Variants in PKP4 observed in about 807,000 individuals in gnomAD.
PKP4 encodes plakophilin-4.
PKP4 carries 90 observed loss-of-function variants against 145.1 expected under a neutral mutation model. That is an observed-to-expected ratio of 0.62 (90% confidence interval 0.52 to 0.74). The LOEUF (loss-of-function observed/expected upper bound fraction) is 0.74. Among genes scored for constraint, PKP4 ranks in the 30% least tolerant of loss-of-function variants. The probability of loss-of-function intolerance (pLI) is 0.00; values close to 1 mark genes in which losing one functional copy is unlikely to be tolerated. For missense variants in PKP4, 1,340 were observed against 1,482.7 expected, an observed-to-expected ratio of 0.90 and a Z score of 1.58; for synonymous variants, 563 against 577.2, an observed-to-expected ratio of 0.98 and a Z score of 0.35.
chr2:158,673,616 C>T (rs1484833059), intron 17 of PKP4, 61 bp from the exon 18 acceptor site: 10 of 1,221,424 alleles, frequency 8.2e-6, no homozygotes, highest in Admixed American at 5.0e-5. Flanking sequence ...ATCCTGCACC[C>T]CTCTGAGTGG....
At chr2:158,604,538 A>G (rs2050491799) in intron 4 of PKP4, among the ~76,000 whole-genome samples, 1 of 152,166 alleles carries the variant, frequency 6.6e-6, no homozygotes, top group African/African-American at 2.4e-5. Context: ...GGTGTGTGAG[A>G]TCATCTAGGC....
chr2:158,601,406 A>G (rs1025597844), intron 3 of PKP4, among the ~76,000 whole-genome samples: 8 of 152,324 alleles, frequency 5.3e-5, no homozygotes, highest in Middle Eastern at 6.8e-3. Flanking sequence ...GGTAATACCA[A>G]TCTCAGTGCT....
chr2:158,631,231 C>G lies in PKP4; in HGVS notation c.1154-522C>G, dbSNP rs148568512. Among the ~76,000 whole-genome samples the G allele has an allele frequency of 7.3e-3, 1,112 of 151,950 alleles. 18 individuals carry two copies. The highest frequency in any genetic ancestry group is 0.026 in the African/African-American group (1,059 of 41,442). On this transcript the variant is annotated intron_variant, in intron 7 of 21. Coordinates refer to ENST00000389759, the MANE Select transcript of PKP4 (RefSeq NM_003628.6). ...CTGGGATTACAGGCGTGAACCACCG[C>G]GCCCGGCAGAGAAAGTTGTATTTAA...
chr2:158,541,976 G>C (rs567550815), intron 2 of PKP4, among the ~76,000 whole-genome samples: 99 of 152,276 alleles, frequency 6.5e-4, no homozygotes, highest in African/African-American at 2.3e-3. Flanking sequence ...TAGTATTTCT[G>C]TATTCTGGTA....
chr2:158,599,360 G>A (rs1320669830), intron 3 of PKP4, among the ~76,000 whole-genome samples: 1 of 152,182 alleles, frequency 6.6e-6, no homozygotes, highest in Non-Finnish European at 1.5e-5. Context: ...TCTGGCCATT[G>A]TCTGTAAACA....
intron 1 of PKP4, among the ~76,000 whole-genome samples, chr2:158,473,508 G>A (rs1559188994): frequency 6.6e-6 from 1 of 152,174 alleles, no homozygotes; most frequent in Non-Finnish European, 1.5e-5. Context: ...TCTTTTGCAA[G>A]AACATGGATG....
intron 2 of PKP4, among the ~76,000 whole-genome samples, chr2:158,568,794 T>C (rs956277162): frequency 6.6e-6 from 1 of 152,028 alleles, no homozygotes; most frequent in African/African-American, 2.4e-5. Flanking sequence ...GCCAACATAG[T>C]GAAACCCCAT....
chr2:158,556,303 G>A (rs2046086393), intron 2 of PKP4, among the ~76,000 whole-genome samples: 1 of 152,158 alleles, frequency 6.6e-6, no homozygotes, highest in African/African-American at 2.4e-5. Flanking sequence ...TCGGTGTGTT[G>A]TAATCAAGAG....
chr2:158,503,307 G>A (rs189020296), intron 1 of PKP4, among the ~76,000 whole-genome samples: 103 of 152,258 alleles, frequency 6.8e-4, no homozygotes, highest in Middle Eastern at 3.4e-3. Flanking sequence ...TGGCTCTAAC[G>A]CTTCAGTGCA....
chr2:158,667,377 A>G (rs190956448), intron 16 of PKP4, among the ~76,000 whole-genome samples: 5 of 152,274 alleles, frequency 3.3e-5, no homozygotes, highest in Admixed American at 3.3e-4. Flanking sequence ...GCAACTCCTC[A>G]TCTCTGAAGG....
chr2:158,513,562 T>C (rs2041695424), intron 1 of PKP4, among the ~76,000 whole-genome samples: 2 of 152,164 alleles, frequency 1.3e-5, no homozygotes, highest in East Asian at 3.9e-4. Context: ...TAAAGTCTTC[T>C]TTTCCTCACG....
intron 1 of PKP4, among the ~76,000 whole-genome samples, chr2:158,499,572 TG>T (rs1302705995): frequency 2.0e-5 from 3 of 152,192 alleles, no homozygotes; most frequent in African/African-American, 7.2e-5. Context: ...GAAGGATAAT[TG>T]GGCCTGTGTC....
At chr2:158,518,414 G>C (rs1312713980) in intron 1 of PKP4, among the ~76,000 whole-genome samples, 1 of 152,152 alleles carries the variant, frequency 6.6e-6, no homozygotes, top group African/African-American at 2.4e-5. Context: ...CAGGGGTGGG[G>C]CAGTAGATGC....
intron 1 of PKP4, among the ~76,000 whole-genome samples, chr2:158,468,770 CTTTTTTTT>C (rs58577988): frequency 1.8e-5 from 2 of 109,970 alleles, no homozygotes; most frequent in African/African-American, 6.8e-5. Context: ...TCTTCTTCTT[CTTTTTTTT>C]TTTTTTTTTT....
At chr2:158,467,179 T>C (rs1690756484) in intron 1 of PKP4, among the ~76,000 whole-genome samples, 1 of 152,190 alleles carries the variant, frequency 6.6e-6, no homozygotes, top group Non-Finnish European at 1.5e-5. Context: ...ACATAATCAC[T>C]GTAATAAAAT....
In PKP4 at chr2:158,575,478, T is replaced by C. The variant is rs186928971; in HGVS notation, c.133-1793T>C. Among the ~76,000 whole-genome samples the C allele has an allele frequency of 3.8e-3, 581 of 152,332 alleles. 2 individuals are homozygous for C. Among genetic ancestry groups the C allele is most frequent in the Non-Finnish European group, 5.5e-3 (376 of 68,030 alleles). Reference sequence around the variant, plus strand: ...CAGGCAGCCACAAACATGATAAAAATTCATTCCTGTACAATGGAATTTGTT... The same window carrying C: ...CAGGCAGCCACAAACATGATAAAAACTCATTCCTGTACAATGGAATTTGTT... On this transcript the variant is annotated intron_variant, in intron 2 of 21. Transcript: ENST00000389759.
chr2:158,587,462 A>G (rs966163852), intron 3 of PKP4, among the ~76,000 whole-genome samples: 1 of 152,066 alleles, frequency 6.6e-6, no homozygotes, highest in Non-Finnish European at 1.5e-5. Context: ...AATTATGTGT[A>G]CATATTGATA....
In PKP4 at chr2:158,678,749, G is replaced by T. The variant is rs2058228837; in HGVS notation, c.3330+95G>T. On this transcript the variant is annotated intron_variant, in intron 21 of 21. Transcript: ENST00000389759. ...GACTTCCCAGAGCTGGGCCAACATG[G>T]CAGGGTCCTAGATGCTTTCCCTGGG... is the stretch of plus-strand genomic sequence containing the variant. 7.0e-6 allele frequency: 6 copies of T among 853,338 alleles called. No homozygotes were observed. In the East Asian group the frequency reaches 1.5e-4, roughly 21 times the overall value. The allele number at this position is 853,338 out of a possible 1,614,324, so 52.9% of individuals were successfully genotyped here.
chr2:158,500,192 A>G (rs891961428), intron 1 of PKP4, among the ~76,000 whole-genome samples: 1 of 152,152 alleles, frequency 6.6e-6, no homozygotes, highest in Non-Finnish European at 1.5e-5. Flanking sequence ...CTCCTGCAAG[A>G]AGTTGGAATG....
Sources: allele counts gnomAD v4.1 joint callset (sites outside exome capture counted in the v4.1 genomes callset), GRCh38; gene constraint gnomAD v4.1.1; transcripts MANE v1.5; gene names NCBI Gene and HGNC (gene_info 2026-07-23, HGNC 2026-07-21).